Variants in PLAAT5 observed in about 807,000 individuals in gnomAD.
The protein encoded by PLAAT5 is phospholipase A and acyltransferase 5, also known as Ca(2+)-independent N-acyltransferase.
Under a neutral mutation model 27.8 loss-of-function variants are expected in PLAAT5, and 27 were observed. That is an observed-to-expected ratio of 0.97 (90% CI 0.72 to 1.34). The LOEUF (loss-of-function observed/expected upper bound fraction) is 1.34. PLAAT5 is among the 40% of genes most tolerant of loss of function. PLAAT5 has a pLI of 0.00. For missense variants in PLAAT5, 368 were observed against 343.8 expected (o/e 1.07, Z -0.56); for synonymous variants, 125 against 136.1 (o/e 0.92, Z 0.57).
intron 3 of PLAAT5, among the ~76,000 whole-genome samples, chr11:63,475,495 T>C (rs1301771392): frequency 6.6e-6 from 1 of 152,094 alleles, no homozygotes; most frequent in Non-Finnish European, 1.5e-5. Context: ...ATCAACCTAT[T>C]TGTGACTTTA....
At chr11:63,475,232 G>A (rs1336159113) in intron 3 of PLAAT5, among the ~76,000 whole-genome samples, 2 of 152,028 alleles carry the variant, frequency 1.3e-5, no homozygotes, top group African/African-American at 2.4e-5. Flanking sequence ...ATCCACTATT[G>A]AGAGTGGGGT....
intron 3 of PLAAT5, among the ~76,000 whole-genome samples, chr11:63,485,071 T>C (rs763423852): frequency 6.6e-5 from 10 of 151,184 alleles, no homozygotes; most frequent in Non-Finnish European, 1.5e-4. Flanking sequence ...TACTTAGGAA[T>C]ATACCTAACC....
intron 3 of PLAAT5, among the ~76,000 whole-genome samples, chr11:63,481,987 C>T (rs905552081): frequency 1.4e-4 from 21 of 152,092 alleles, no homozygotes; most frequent in African/African-American, 4.6e-4. Context: ...AGCGCACCAA[C>T]ATGGCACATG....
intron 1 of PLAAT5, 51 bp from the exon 2 acceptor site, chr11:63,490,384 C>A (rs1218582771): frequency 6.2e-7 from 1 of 1,613,452 alleles, no homozygotes; most frequent in East Asian, 2.2e-5. Flanking sequence ...AGAGTTCGAG[C>A]AAGCACCTTG....
At chr11:63,487,727 A>G (rs2016469547) in intron 3 of PLAAT5, among the ~76,000 whole-genome samples, 1 of 152,250 alleles carries the variant, frequency 6.6e-6, no homozygotes, top group African/African-American at 2.4e-5. Flanking sequence ...AACTAGTAAC[A>G]ACTCAAATGC....
intron 3 of PLAAT5, chr11:63,470,257 C>G (rs549602092): frequency 8.1e-5 from 13 of 159,980 alleles, no homozygotes; most frequent in African/African-American, 3.1e-4. Flanking sequence ...AGAGAGAAAC[C>G]CTATAAATGT....
At chr11:63,484,544 A>T (rs1226380998) in intron 3 of PLAAT5, among the ~76,000 whole-genome samples, 1 of 152,172 alleles carries the variant, frequency 6.6e-6, no homozygotes, top group African/African-American at 2.4e-5. Context: ...AACAAAAATC[A>T]CATGATTATC....
intron 3 of PLAAT5, among the ~76,000 whole-genome samples, chr11:63,476,391 C>T (rs1418554769): frequency 6.6e-6 from 1 of 152,072 alleles, no homozygotes; most frequent in Non-Finnish European, 1.5e-5. Flanking sequence ...TATTTTAAGG[C>T]AAGTGTGCTA....
rs867485875 is a variant in PLAAT5 at position 63,490,449 on chromosome 11, G to T, written c.149-116C>A. On this transcript the variant is annotated intron_variant, in intron 1 of 5. Coordinates refer to ENST00000540857, the MANE Select transcript of PLAAT5 (RefSeq NM_001146729.2). ...AGTCTAGCATCGTGCCTGGCCCCTG[G>T]TTAGGCCTCAGAAAATCTTGGGATG... is the stretch of plus-strand genomic sequence containing the variant. 1.5e-5 allele frequency: 23 copies of T among 1,544,938 alleles called. No individual in the cohort carries two copies. The Middle Eastern group carries it at 5.4e-4, about 36-fold the overall frequency.
chr11:63,468,602 T>C (rs1302784048), intron 3 of PLAAT5, 137 bp from the exon 4 acceptor site: 1 of 643,482 alleles, frequency 1.6e-6, no homozygotes, highest in Non-Finnish European at 2.7e-6. Flanking sequence ...CTAAAGAAAT[T>C]TCTCTTCACA....
chr11:63,488,335 AG>A (rs760958287), intron 3 of PLAAT5, among the ~76,000 whole-genome samples: 76 of 152,330 alleles, frequency 5.0e-4, no homozygotes, highest in Non-Finnish European at 9.3e-4. Flanking sequence ...TGTAAATGAC[AG>A]AGATTATTCA....
chr11:63,463,639 G>A, intron 5 of PLAAT5, 44 bp from the exon 6 acceptor site: 1 of 1,509,624 alleles, frequency 6.6e-7, no homozygotes, highest in Non-Finnish European at 9.2e-7. Flanking sequence ...ACCAATCCTA[G>A]GCTTGCACCC....
Position 63,466,514 on chromosome 11 carries a change from T to C in PLAAT5, c.455-142A>G. ...GGTGGCAGAAGAGGGGAAGTTGGAA[T>C]CAAAGAACCGCAGAGAATCAACTTT... On this transcript the variant is annotated intron_variant, in intron 4 of 5. Transcript: ENST00000540857. 3 of 846,316 alleles carry C rather than the reference T, an allele frequency of 3.5e-6. No individual in the cohort carries two copies. The South Asian group carries it at 5.4e-5, about 15-fold the overall frequency. 52.4% of individuals were successfully genotyped at this position (846,316 alleles called of 1,614,324 possible).
At chr11:63,483,783 AAATATATATATATATATGTATAT>A (rs1403382174) in intron 3 of PLAAT5, among the ~76,000 whole-genome samples, 3,611 of 96,176 alleles carry the variant, frequency 0.038, 186 homozygotes, top group African/African-American at 0.13. Context: ...AGCAAAAAAA[AAATATATATATATATATGTATAT>A]ATATATATAT....
rs1345151285 is a variant in PLAAT5, at chr11:63,483,799, A to ATATATATG, written c.345+5071_345+5072insCATATATA. On this transcript the variant is annotated intron_variant, in intron 3 of 5. Coordinates refer to ENST00000540857, the MANE Select transcript of PLAAT5 (RefSeq NM_001146729.2). ...GCAAAAAAAAAATATATATATATAT[A>ATATATATG]TGTATATATATATATATATATATAT... Among the ~76,000 whole-genome samples, 5 of 50,794 alleles carry ATATATATG rather than the reference A, an allele frequency of 9.8e-5. No homozygotes were observed. The African/African-American group carries it at 1.3e-3, about 13-fold the overall frequency. The allele number at this position is 50,794 out of a possible 152,430, so 33.3% of individuals were successfully genotyped here. A position where few individuals can be genotyped will look rare whatever the true frequency, so the allele number is the denominator to read the frequency against.
intron 3 of PLAAT5, among the ~76,000 whole-genome samples, chr11:63,475,446 G>A (rs2016129842): frequency 6.6e-6 from 1 of 151,784 alleles, no homozygotes; most frequent in Admixed American, 6.6e-5. Context: ...TATTTTGTCT[G>A]ATATTAGTAC....
At chr11:63,471,633 G>A (rs2016027536) in intron 3 of PLAAT5, among the ~76,000 whole-genome samples, 1 of 152,306 alleles carries the variant, frequency 6.6e-6, no homozygotes, top group East Asian at 1.9e-4. Flanking sequence ...TTGTTTGAGT[G>A]AAGCAAGAGG....
chr11:63,490,279 G>A lies in PLAAT5; in HGVS notation c.203C>T (p.Pro68Leu). Residue 68 changes from proline to leucine, a missense_variant, in exon 2 of 6, where the codon CCG becomes CTG. Transcript: ENST00000540857. ...LVQLPAKQPP[P>L]GTLEQGRSIQ... The stretch of plus-strand genomic sequence containing the variant: ...GCTTCTGCCCTGTTCTAATGTGCCC[G>A]GCGGAGGCTGCTTGGCTGGGAGCTG... 5 of 1,614,148 alleles carry A rather than the reference G, an allele frequency of 3.1e-6. No individual in the cohort carries two copies. The highest frequency in any genetic ancestry group is 1.1e-5 in the South Asian group (1 of 91,086).
At chr11:63,484,595 C>G (rs973522352) in intron 3 of PLAAT5, among the ~76,000 whole-genome samples, 1 of 152,066 alleles carries the variant, frequency 6.6e-6, no homozygotes, top group African/African-American at 2.4e-5. Context: ...ATCCAGCATC[C>G]CTTTATGATT....
Sources: gnomAD v4.1 joint callset for allele counts (sites outside exome capture counted in the v4.1 genomes callset) on GRCh38, gnomAD v4.1.1 for gene constraint, MANE v1.5 for transcripts, NCBI Gene and HGNC (gene_info 2026-07-23, HGNC 2026-07-21) for gene names.